The following PAFAH1B2 variants were observed in gnomAD, a reference collection of about 807,000 sequenced individuals.
PAFAH1B2 encodes the protein platelet-activating factor acetylhydrolase IB subunit alpha2.
In PAFAH1B2, 8 loss-of-function variants were observed where a neutral mutation model predicts 28.0. That is an observed-to-expected ratio of 0.29 (90% CI 0.17 to 0.52). The LOEUF (loss-of-function observed/expected upper bound fraction) is 0.52. Among genes scored for constraint, PAFAH1B2 ranks in the 20% least tolerant of loss-of-function variants. The pLI is 0.97. For missense variants in PAFAH1B2, 190 were observed against 282.6 expected (o/e 0.67, Z 2.35); for synonymous variants, 104 against 103.2 (o/e 1.01, Z -0.05).
chr11:117,147,323 CCT>C (rs1956036569), intron 1 of PAFAH1B2, among the ~76,000 whole-genome samples: 1 of 151,974 alleles, frequency 6.6e-6, no homozygotes, highest in Non-Finnish European at 1.5e-5. Flanking sequence ...TTGCTCTGTC[CCT>C]GAGGCTGGAG....
chr11:117,161,026 A>G (rs769124374), intron 3 of PAFAH1B2, 119 bp from the exon 4 acceptor site: 58 of 700,012 alleles, frequency 8.3e-5, no homozygotes, highest in Admixed American at 1.6e-4. Flanking sequence ...GTGTCACACC[A>G]TTACAGTGTT....
chr11:117,172,388 ATATATATATATATATATTTTTTTTTTTT>A (rs1956686232), downstream of PAFAH1B2, among the ~76,000 whole-genome samples: 1 of 1,840 alleles, frequency 5.4e-4, no homozygotes. Context: ...ATATATATAT[ATATATATATATATATATTTTTTTTTTTT>A]TTTTTTTTTT....
At chr11:117,145,800 A>G (rs1263238703) in intron 1 of PAFAH1B2, among the ~76,000 whole-genome samples, 2 of 150,768 alleles carry the variant, frequency 1.3e-5, no homozygotes, top group Non-Finnish European at 1.5e-5. Context: ...AACTTTCTTC[A>G]TCTGTTTTCC....
chr11:117,165,834 A>T (rs1394580014), intron 5 of PAFAH1B2, among the ~76,000 whole-genome samples: 2 of 139,954 alleles, frequency 1.4e-5, no homozygotes, highest in Non-Finnish European at 3.1e-5. Context: ...GTCATGTAGG[A>T]TTTTTTTTTT....
intron 3 of PAFAH1B2, among the ~76,000 whole-genome samples, chr11:117,160,584 G>A (rs1255380907): frequency 2.0e-5 from 3 of 152,154 alleles, no homozygotes; most frequent in African/African-American, 4.8e-5. Flanking sequence ...CAGCCCCTGA[G>A]TAGTTGGGAT....
intron 4 of PAFAH1B2, among the ~76,000 whole-genome samples, chr11:117,162,391 G>GC (rs1956394486): frequency 6.6e-6 from 1 of 151,164 alleles, no homozygotes; most frequent in Non-Finnish European, 1.5e-5. Context: ...TGATCCTCCC[G>GC]CCCCGGCCTC....
intron 2 of PAFAH1B2, among the ~76,000 whole-genome samples, chr11:117,152,839 G>A (rs1373340997): frequency 6.6e-6 from 1 of 152,218 alleles, no homozygotes; most frequent in Non-Finnish European, 1.5e-5. Context: ...TGGGGAGGCC[G>A]AGGTGGGCGG....
rs549267178 is a variant in PAFAH1B2, at chr11:117,162,843, C to T, written c.289-927C>T. ...CTTGAGTGTACCTGTGTATTTATACCGTGACAGGTTCTTGCTGTGTCACCC... is the reference window on the plus strand; with the variant it reads ...CTTGAGTGTACCTGTGTATTTATACTGTGACAGGTTCTTGCTGTGTCACCC... On this transcript the variant is annotated intron_variant, in intron 4 of 5. Coordinates refer to ENST00000527958, the MANE Select transcript of PAFAH1B2 (RefSeq NM_002572.4). Among the ~76,000 whole-genome samples, 8 of 151,772 alleles carry T rather than the reference C, an allele frequency of 5.3e-5. No individual in the cohort carries two copies. The East Asian group carries it at 7.8e-4, about 15-fold the overall frequency.
chr11:117,158,226 G>T (rs1591742196), intron 2 of PAFAH1B2, among the ~76,000 whole-genome samples: 1 of 152,034 alleles, frequency 6.6e-6, no homozygotes, highest in South Asian at 2.1e-4. Context: ...TTTCTTCATA[G>T]TGAAGGGGTC....
intron 1 of PAFAH1B2, among the ~76,000 whole-genome samples, chr11:117,147,161 G>C (rs990124979): frequency 6.6e-6 from 1 of 152,074 alleles, no homozygotes; most frequent in African/African-American, 2.4e-5. Context: ...CCCAGTACTC[G>C]GGATGCTGAG....
At chr11:117,151,578 A>G (rs185685335) in intron 1 of PAFAH1B2, among the ~76,000 whole-genome samples, 4 of 152,268 alleles carry the variant, frequency 2.6e-5, no homozygotes, top group African/African-American at 4.8e-5. Flanking sequence ...AAAAATACCT[A>G]GTAAACATTT....
At chr11:117,171,864 G>C (rs10892083), downstream of PAFAH1B2, 277,772 of 806,766 alleles carry the variant, frequency 0.34, 52,924 homozygotes, top group Non-Finnish European at 0.41. Flanking sequence ...ATGATTTGCT[G>C]CTTTAGGAGG....
downstream of PAFAH1B2, chr11:117,175,794 T>G: frequency 1.7e-6 from 2 of 1,147,958 alleles, no homozygotes; most frequent in Non-Finnish European, 2.5e-6. Flanking sequence ...CAACTTAGAG[T>G]AGTGGTGCTT....
chr11:117,170,298 C>T lies in PAFAH1B2; in HGVS notation c.*2599C>T. Reference sequence around the variant, plus strand: ...ACTTTCCAGGCAGCTAGCAGAGATACTATTCTCTTCCTCTCCCAGCAAATT... The same window carrying T: ...ACTTTCCAGGCAGCTAGCAGAGATATTATTCTCTTCCTCTCCCAGCAAATT... On this transcript the variant is annotated 3_prime_UTR_variant, in exon 6 of 6. Coordinates refer to ENST00000527958, the MANE Select transcript of PAFAH1B2 (RefSeq NM_002572.4). 5 of 1,061,912 alleles carry T rather than the reference C, an allele frequency of 4.7e-6. No individual in the cohort carries two copies. Among genetic ancestry groups the T allele is most frequent in the Non-Finnish European group, 5.7e-6 (5 of 877,686 alleles). The allele number at this position is 1,061,912 out of a possible 1,614,324, so 65.8% of individuals were successfully genotyped here.
At chr11:117,147,345 G>A (rs1956037529) in intron 1 of PAFAH1B2, among the ~76,000 whole-genome samples, 1 of 152,042 alleles carries the variant, frequency 6.6e-6, no homozygotes, top group East Asian at 1.9e-4. Flanking sequence ...GTGCAGTGGC[G>A]CACCACCACC....
At chr11:117,146,214 C>T (rs1322993637) in intron 1 of PAFAH1B2, among the ~76,000 whole-genome samples, 2 of 151,066 alleles carry the variant, frequency 1.3e-5, no homozygotes, top group African/African-American at 4.9e-5. Context: ...CTCTGCCTCC[C>T]GGTTCAAGCT....
intron 4 of PAFAH1B2, among the ~76,000 whole-genome samples, chr11:117,162,728 TGGGTGACAGAGGAAGACTCC>T (rs917253607): frequency 2.1e-4 from 32 of 152,074 alleles, no homozygotes; most frequent in African/African-American, 7.5e-4. Context: ...CACTCCAGCC[TGGGTGACAGAGGAAGACTCC>T]GTTTCAAAAA....
rs1351693933 is a variant in PAFAH1B2, at chr11:117,152,514, C to T, written c.67C>T (p.Arg23Ter). Residue 23 changes from arginine (R) to a stop codon, truncating the protein, a stop_gained, in exon 2 of 6, where the codon CGA (arginine) becomes TGA (stop). Coordinates refer to ENST00000527958, the MANE Select transcript of PAFAH1B2 (RefSeq NM_002572.4). LOFTEE classifies it high-confidence loss of function. ...AGCAGAAGATATTCAAGGAGATGACCGATGGATGTCTCAGGTAAAAGGAAG... is the reference window on the plus strand; with the variant it reads ...AGCAGAAGATATTCAAGGAGATGACTGATGGATGTCTCAGGTAAAAGGAAG... Reference protein sequence around the residue: ...HAAEDIQGDDRWMSQHNRFVL... With the variant: ...HAAEDIQGDD 6.2e-7 allele frequency: 1 copy of T among 1,610,418 alleles called. No homozygotes were observed. Among genetic ancestry groups the T allele is most frequent in the East Asian group, 2.2e-5 (1 of 44,874 alleles).
chr11:117,145,610 A>G (rs945585209), intron 1 of PAFAH1B2, among the ~76,000 whole-genome samples: 1 of 152,132 alleles, frequency 6.6e-6, no homozygotes, highest in Admixed American at 6.6e-5. Context: ...TGGCTTGGGC[A>G]TTTGATCATA....
Sources: allele counts gnomAD v4.1 joint callset (sites outside exome capture counted in the v4.1 genomes callset), GRCh38; gene constraint gnomAD v4.1.1; transcripts MANE v1.5; gene names NCBI Gene and HGNC (gene_info 2026-07-23, HGNC 2026-07-21).